Variants in PLXNA4 observed in about 807,000 individuals in gnomAD.
PLXNA4 encodes plexin A4, also known as plexin-A4.
A neutral mutation model predicts 191.8 loss-of-function variants in PLXNA4; 44 were observed. That is an observed-to-expected ratio of 0.23 (90% confidence interval 0.18 to 0.29). PLXNA4 has a LOEUF of 0.29. PLXNA4 is among the 10% of genes least tolerant of loss of function. The pLI, the probability that PLXNA4 is intolerant of heterozygous loss-of-function variation, is 1.00. For missense variants in PLXNA4, 1,800 were observed against 2,488.8 expected (o/e 0.72, Z 5.89); for synonymous variants, 1,082 against 1,009.5 (o/e 1.07, Z -1.36).
intron 4 of PLXNA4, among the ~76,000 whole-genome samples, chr7:132,257,438 T>C (rs1799472218): frequency 6.6e-6 from 1 of 152,210 alleles, no homozygotes; most frequent in Non-Finnish European, 1.5e-5. Flanking sequence ...CTCAGTGTGG[T>C]GGTGCAATGT....
chr7:132,280,567 A>T (rs895370627), intron 4 of PLXNA4, among the ~76,000 whole-genome samples: 1 of 152,164 alleles, frequency 6.6e-6, no homozygotes, highest in Non-Finnish European at 1.5e-5. Flanking sequence ...ACCATCTCAA[A>T]TTCCTATAGT....
intron 1 of PLXNA4, among the ~76,000 whole-genome samples, chr7:132,571,375 C>T (rs928328317): frequency 1.3e-5 from 2 of 152,220 alleles, no homozygotes; most frequent in Non-Finnish European, 2.9e-5. Context: ...TATCCCCTGA[C>T]ATGGTCCGTT....
intron 22 of PLXNA4, among the ~76,000 whole-genome samples, chr7:132,166,003 C>T (rs1011088227): frequency 6.6e-6 from 1 of 152,146 alleles, no homozygotes; most frequent in African/African-American, 2.4e-5. Context: ...TCAAGACCAT[C>T]CTGGCCAACA....
intron 4 of PLXNA4, among the ~76,000 whole-genome samples, chr7:132,295,984 G>A (rs1026099111): frequency 6.6e-6 from 1 of 152,180 alleles, no homozygotes; most frequent in Non-Finnish European, 1.5e-5. Context: ...TTTAGTAAAT[G>A]AGATTTAAGA....
At chr7:132,192,442 G>A (rs1388803132) in intron 14 of PLXNA4, among the ~76,000 whole-genome samples, 5 of 151,604 alleles carry the variant, frequency 3.3e-5, no homozygotes, top group Admixed American at 6.6e-5. Context: ...AGGGAGGGAG[G>A]AAGGAAGGAA....
intron 2 of PLXNA4, among the ~76,000 whole-genome samples, chr7:132,617,599 T>C (rs2880450): frequency 0.4 from 61,565 of 152,022 alleles, 13,558 homozygotes; most frequent in Non-Finnish European, 0.5. Flanking sequence ...TTCACAGTAA[T>C]TAAATTGGAA....
chr7:132,495,326 G>T (rs985818568), intron 2 of PLXNA4, among the ~76,000 whole-genome samples: 1 of 152,210 alleles, frequency 6.6e-6, no homozygotes, highest in Non-Finnish European at 1.5e-5. Context: ...AAGGTCAGCA[G>T]GTCCATCCCC....
At chr7:132,646,340 G>A (rs1190219225) in intron 1 of PLXNA4, among the ~76,000 whole-genome samples, 1 of 152,116 alleles carries the variant, frequency 6.6e-6, no homozygotes, top group Non-Finnish European at 1.5e-5. Context: ...CTGGGCTCAT[G>A]GGAAGTCTCT....
At chr7:132,644,408 T>C (rs913024792) in intron 2 of PLXNA4, among the ~76,000 whole-genome samples, 1 of 152,190 alleles carries the variant, frequency 6.6e-6, no homozygotes, top group Non-Finnish European at 1.5e-5. Flanking sequence ...AAGCAAACAA[T>C]AGACTTGGTC....
chr7:132,284,300 G>T (rs1800599319), intron 4 of PLXNA4, among the ~76,000 whole-genome samples: 3 of 152,178 alleles, frequency 2.0e-5, no homozygotes, highest in Non-Finnish European at 2.9e-5. Context: ...AATAAAGTTT[G>T]GGAAATACTG....
chr7:132,436,687 C>T (rs985079455), intron 3 of PLXNA4, among the ~76,000 whole-genome samples: 1 of 152,160 alleles, frequency 6.6e-6, no homozygotes. Flanking sequence ...GGCTGCTGAG[C>T]CAAGAGACAA....
chr7:132,498,731 T>A (rs1386095391), intron 2 of PLXNA4, among the ~76,000 whole-genome samples: 1 of 152,196 alleles, frequency 6.6e-6, no homozygotes, highest in Non-Finnish European at 1.5e-5. Context: ...TGGCCCCAGT[T>A]CTCAAGAACC....
chr7:132,272,247 A>G (rs1800105185), intron 4 of PLXNA4, among the ~76,000 whole-genome samples: 1 of 152,164 alleles, frequency 6.6e-6, no homozygotes, highest in African/African-American at 2.4e-5. Context: ...CTTAACCTAT[A>G]CCTTTGTCTG....
rs766539420 is a variant in PLXNA4 at position 132,168,563 on chromosome 7, A to G, written c.4027T>C (p.Tyr1343His). The G allele has an allele frequency of 1.5e-4, 230 of 1,584,074 alleles. No individual in the cohort carries two copies. The highest frequency in any genetic ancestry group is 1.9e-4 in the Non-Finnish European group (226 of 1,163,622). The part of the protein sequence containing the change: ...PVLRDLEVPG[Y>H]RQERVEKGLK... ...CCTTTCTCCACACGCTCCTGCCGGT[A>G]GCCCGGGACCTGCAGAGAGACCTAG... The change falls in exon 22 of 32, where the codon TAC becomes CAC. Residue 1343 changes from tyrosine (Y) to histidine (H), a missense_variant. Physicochemically the swap from Tyr to His is moderately conservative, Grantham distance 83. Coordinates refer to ENST00000321063, the MANE Select transcript of PLXNA4 (RefSeq NM_020911.2).
chr7:132,296,003 C>G (rs1446452185), intron 4 of PLXNA4, among the ~76,000 whole-genome samples: 1 of 152,210 alleles, frequency 6.6e-6, no homozygotes, highest in African/African-American at 2.4e-5. Context: ...GATTCCCACT[C>G]AGACATTTCA....
At chr7:132,173,874 T>C (rs1796367693) in intron 21 of PLXNA4, among the ~76,000 whole-genome samples, 1 of 152,180 alleles carries the variant, frequency 6.6e-6, no homozygotes, top group South Asian at 2.1e-4. Context: ...AGAGGCCTGT[T>C]GTTGGAAGCA....
At chr7:132,484,826 T>A in intron 3 of PLXNA4, 1 of 1,614,086 alleles carries the variant, frequency 6.2e-7, no homozygotes, top group Middle Eastern at 1.7e-4. Context: ...TTAGGAAGAA[T>A]TCCCAGGTAC....
chr7:132,488,610 G>C (rs1797655788), intron 3 of PLXNA4, among the ~76,000 whole-genome samples: 1 of 152,176 alleles, frequency 6.6e-6, no homozygotes, highest in Non-Finnish European at 1.5e-5. Context: ...CAACTCATGA[G>C]ATGAGAAGCC....
chr7:132,157,604 T>G (rs888357642), intron 25 of PLXNA4, among the ~76,000 whole-genome samples: 25 of 152,176 alleles, frequency 1.6e-4, no homozygotes, highest in African/African-American at 6.0e-4. Flanking sequence ...CAATCTCAGC[T>G]TCCAGCATGA....
Sources: gnomAD v4.1 joint callset for allele counts (sites outside exome capture counted in the v4.1 genomes callset) on GRCh38, gnomAD v4.1.1 for gene constraint, MANE v1.5 for transcripts, NCBI Gene and HGNC (gene_info 2026-07-23, HGNC 2026-07-21) for gene names.